The following CCSER1 variants were observed in gnomAD, a reference collection of about 807,000 sequenced individuals.
The protein encoded by CCSER1 is serine-rich coiled-coil domain-containing protein 1.
In CCSER1, 41 loss-of-function variants were observed where a neutral mutation model predicts 82.0. The ratio of observed to expected loss-of-function variants is 0.50; its 90% CI spans 0.39 to 0.65. CCSER1 has a LOEUF of 0.65. Among genes scored for constraint, CCSER1 ranks in the 30% least tolerant of loss-of-function variants. The pLI, the probability that CCSER1 is intolerant of heterozygous loss-of-function variation, is 0.00. For missense variants in CCSER1, 1,119 were observed against 1,064.2 expected (o/e 1.05, Z -0.72); for synonymous variants, 414 against 383.9 (o/e 1.08, Z -0.92).
At chr4:90,517,801 C>T (rs1350329907) in intron 5 of CCSER1, among the ~76,000 whole-genome samples, 1 of 151,926 alleles carries the variant, frequency 6.6e-6, no homozygotes, top group African/African-American at 2.4e-5. Context: ...TTGTGTTATC[C>T]CACTTAGATT....
intron 7 of CCSER1, among the ~76,000 whole-genome samples, chr4:90,753,668 A>G (rs1277865181): frequency 6.6e-6 from 1 of 152,026 alleles, no homozygotes; most frequent in African/African-American, 2.4e-5. Flanking sequence ...CATTTCCCAC[A>G]TGGGAGCCAG....
At chr4:90,462,032 T>C (rs1361154645) in intron 4 of CCSER1, among the ~76,000 whole-genome samples, 1 of 151,548 alleles carries the variant, frequency 6.6e-6, no homozygotes, top group Non-Finnish European at 1.5e-5. Context: ...TGCAATGGCT[T>C]GTATCTTATC....
intron 5 of CCSER1, among the ~76,000 whole-genome samples, chr4:90,590,186 GT>G (rs1051202033): frequency 2.0e-5 from 3 of 152,106 alleles, no homozygotes; most frequent in African/African-American, 7.2e-5. Flanking sequence ...AGGCAAGAGA[GT>G]TGCTTGAAAC....
In CCSER1 at chr4:91,599,008, A is replaced by G; in HGVS notation, c.2654A>G (p.His885Arg). The G allele has an allele frequency of 1.6e-5, 25 of 1,551,386 alleles. No homozygotes were observed. The highest frequency in any genetic ancestry group is 2.2e-5 in the Non-Finnish European group (25 of 1,146,806). ...MYSRKNVFLH[H>R]NLHSTELQTL... is the part of the protein sequence containing the mutation. ...AGCAGGAAGAATGTGTTTCTCCACC[A>G]CAATTTACACAGCACTGAGCTGCAA... is the stretch of plus-strand genomic sequence containing the variant. Residue 885 changes from histidine (H) to arginine (R), a missense_variant, in exon 11 of 11, where the codon CAC becomes CGC. By Grantham distance (29) the His-to-Arg change is conservative. Coordinates refer to ENST00000509176, the MANE Select transcript of CCSER1 (RefSeq NM_001145065.2).
At chr4:90,255,345 G>T (rs879839840) in intron 1 of CCSER1, among the ~76,000 whole-genome samples, 1 of 151,822 alleles carries the variant, frequency 6.6e-6, no homozygotes, top group African/African-American at 2.4e-5. Context: ...GGGAATCTGC[G>T]CAATCATTAA....
chr4:90,302,886 T>C (rs1023889575), intron 1 of CCSER1, among the ~76,000 whole-genome samples: 2 of 151,964 alleles, frequency 1.3e-5, no homozygotes, highest in Admixed American at 6.6e-5. Context: ...CAGTCATCAG[T>C]GAAAGCGGAG....
At chr4:90,585,265 G>C (rs914888717) in intron 5 of CCSER1, among the ~76,000 whole-genome samples, 1 of 152,124 alleles carries the variant, frequency 6.6e-6, no homozygotes, top group Admixed American at 6.6e-5. Context: ...TATCCTGGCT[G>C]GCGAAAACGT....
At chr4:91,162,448 A>G (rs945638379) in intron 10 of CCSER1, among the ~76,000 whole-genome samples, 2 of 152,190 alleles carry the variant, frequency 1.3e-5, no homozygotes, top group African/African-American at 4.8e-5. Flanking sequence ...GCCTCATAAA[A>G]TGAGTTAGAG....
chr4:91,574,930 C>G (rs1402731924), intron 10 of CCSER1, among the ~76,000 whole-genome samples: 1 of 151,270 alleles, frequency 6.6e-6, no homozygotes, highest in African/African-American at 2.4e-5. Context: ...AAAAGTAGAG[C>G]AAAGCTGGAG....
chr4:91,009,106 G>A (rs923741962), intron 9 of CCSER1, among the ~76,000 whole-genome samples: 2 of 152,190 alleles, frequency 1.3e-5, no homozygotes, highest in Non-Finnish European at 2.9e-5. Context: ...TGGAGGGATG[G>A]AAGTCAGGGG....
chr4:90,652,977 A>G (rs1729045349), intron 6 of CCSER1, among the ~76,000 whole-genome samples: 1 of 152,080 alleles, frequency 6.6e-6, no homozygotes, highest in African/African-American at 2.4e-5. Context: ...CTATTAATTA[A>G]TATGCCTCAT....
chr4:90,810,850 T>TTTTC (rs1758180729), intron 7 of CCSER1, among the ~76,000 whole-genome samples: 1 of 146,972 alleles, frequency 6.8e-6, no homozygotes, highest in Non-Finnish European at 1.5e-5. Flanking sequence ...TTTTTTTTTT[T>TTTTC]GAGACGGAGT....
chr4:90,428,745 T>A (rs1757870405), intron 4 of CCSER1, among the ~76,000 whole-genome samples: 1 of 151,904 alleles, frequency 6.6e-6, no homozygotes, highest in East Asian at 1.9e-4. Context: ...AAACCCCTGT[T>A]GTTCCAGAGT....
At chr4:90,766,944 T>C (rs1467992895) in intron 7 of CCSER1, among the ~76,000 whole-genome samples, 1 of 152,108 alleles carries the variant, frequency 6.6e-6, no homozygotes, top group African/African-American at 2.4e-5. Flanking sequence ...AATTCATAAC[T>C]ACTTTAGCAC....
Position 91,590,446 on chromosome 4 carries a change from C to T in CCSER1, c.2218-8126C>T, listed in dbSNP as rs567358070. Among the ~76,000 whole-genome samples the T allele has an allele frequency of 3.3e-5, 5 of 152,222 alleles. No homozygotes were observed. The South Asian group carries it at 1.0e-3, about 32-fold the overall frequency. ...AGTGTTTCCTAGACCTTTAACAGAA[C>T]TCTTTATCACTGAAAACAGATTCCA... On this transcript the variant is annotated intron_variant, in intron 10 of 10. Coordinates refer to ENST00000509176, the MANE Select transcript of CCSER1 (RefSeq NM_001145065.2).
At chr4:90,790,168 T>A (rs1755040369) in intron 7 of CCSER1, among the ~76,000 whole-genome samples, 1 of 152,128 alleles carries the variant, frequency 6.6e-6, no homozygotes, top group African/African-American at 2.4e-5. Context: ...AATAACCTTT[T>A]TAACAGTCTT....
chr4:91,541,383 T>C (rs7661706), intron 10 of CCSER1, among the ~76,000 whole-genome samples: 103,426 of 152,128 alleles, frequency 0.68, 35,821 homozygotes, highest in African/African-American at 0.82. Flanking sequence ...CTCCCCTCCC[T>C]GCACACCATG....
chr4:90,417,112 C>T (rs144375325), intron 4 of CCSER1, among the ~76,000 whole-genome samples: 2,706 of 152,242 alleles, frequency 0.018, 49 homozygotes, highest in African/African-American at 0.036. Flanking sequence ...GGGCTTAAAA[C>T]CTAGATGACG....
intron 5 of CCSER1, among the ~76,000 whole-genome samples, chr4:90,485,307 G>C (rs1238437897): frequency 6.6e-6 from 1 of 152,180 alleles, no homozygotes; most frequent in African/African-American, 2.4e-5. Context: ...TGAATTCCCT[G>C]ACCCGTTGCA....
Sources: allele counts gnomAD v4.1 joint callset (sites outside exome capture counted in the v4.1 genomes callset), GRCh38; gene constraint gnomAD v4.1.1; transcripts MANE v1.5; gene names NCBI Gene and HGNC (gene_info 2026-07-23, HGNC 2026-07-21).